The following TBCD variants were observed in gnomAD, a reference collection of about 807,000 sequenced individuals.
TBCD encodes the protein tubulin folding cofactor D.
Under a neutral mutation model 169.3 loss-of-function variants are expected in TBCD, and 105 were observed. That is an observed-to-expected ratio of 0.62 (90% CI 0.53 to 0.73). The LOEUF (loss-of-function observed/expected upper bound fraction) is 0.73, where lower values mean the gene tolerates loss of function less well. TBCD is among the 30% of genes least tolerant of loss of function. The probability of loss-of-function intolerance (pLI) is 0.00; values close to 1 mark genes in which losing one functional copy is unlikely to be tolerated. For missense variants in TBCD, 1,444 were observed against 1,600.1 expected (o/e 0.90, Z 1.66); for synonymous variants, 700 against 643.9 (o/e 1.09, Z -1.32).
At chr17:82,823,357 G>A (rs2052569192) in intron 13 of TBCD, among the ~76,000 whole-genome samples, 1 of 152,222 alleles carries the variant, frequency 6.6e-6, no homozygotes, top group Admixed American at 6.5e-5. Flanking sequence ...TTCCCCGCCT[G>A]TTTTTGTTGG....
In TBCD at chr17:82,889,614, G is replaced by C; in HGVS notation, c.1534-54G>C. ...GCTGTTTGTTCTGAACTTGCCTCTG[G>C]TGTTGGCGGAAGCTGACCTCGCTCA... On this transcript the variant is annotated intron_variant, in intron 15 of 38. Transcript: ENST00000355528. This position sits in a 1 kb window ranked among gnomAD's most constrained non-coding sequence, Gnocchi z 5.3. 1.9e-6 allele frequency: 3 copies of C among 1,612,204 alleles called. No individual in the cohort carries two copies. The highest frequency in any genetic ancestry group is 2.5e-6 in the Non-Finnish European group (3 of 1,178,632).
chr17:82,770,140 GTT>G (rs1008433260), intron 5 of TBCD, among the ~76,000 whole-genome samples: 4 of 152,184 alleles, frequency 2.6e-5, no homozygotes, highest in African/African-American at 4.8e-5. Flanking sequence ...ATGACCTGCT[GTT>G]CTGAGTCCTT....
At chr17:82,940,563 G>T (rs1032024793) in intron 37 of TBCD, among the ~76,000 whole-genome samples, 3 of 152,230 alleles carry the variant, frequency 2.0e-5, no homozygotes, top group Non-Finnish European at 4.4e-5. Flanking sequence ...AGCCGCTGTG[G>T]CCTCGGAGGA....
At chr17:82,892,224 C>T (rs1482019228) in intron 16 of TBCD, among the ~76,000 whole-genome samples, 1 of 152,126 alleles carries the variant, frequency 6.6e-6, no homozygotes, top group Non-Finnish European at 1.5e-5. Flanking sequence ...AGACCTGGTC[C>T]TGGGCCACCC....
Position 82,782,999 on chromosome 17 carries a change from G to A in TBCD, c.771+1278G>A. Among the ~76,000 whole-genome samples, 1 of 152,138 alleles carries A rather than the reference G, an allele frequency of 6.6e-6. No homozygotes were observed. The highest frequency in any genetic ancestry group is 6.5e-5 in the Admixed American group (1 of 15,276). Reference sequence around the variant, plus strand: ...TGTCCGCTGTGCCCTCCTGTCCGCGGCGTCGTCTTCCTGTCTGTGGTATCA... The same window carrying A: ...TGTCCGCTGTGCCCTCCTGTCCGCGACGTCGTCTTCCTGTCTGTGGTATCA... On this transcript the variant is annotated intron_variant, in intron 7 of 38. Coordinates refer to ENST00000355528, the MANE Select transcript of TBCD (RefSeq NM_005993.5). This position sits in a 1 kb window ranked among gnomAD's most constrained non-coding sequence, Gnocchi z 5.1.
chr17:82,923,035 C>T lies in TBCD; in HGVS notation c.2179-617C>T, dbSNP rs747791224. On this transcript the variant is annotated intron_variant, in intron 25 of 38. Transcript: ENST00000355528. The surrounding 1 kb of genome is among the most constrained non-coding windows in gnomAD (Gnocchi z 4.6). Reference sequence around the variant, plus strand: ...GGCCTTGGGATGGGTTCCCGGGGGTCTCCTGCTGTCCGGCCCCAACTCCTG... The same window carrying T: ...GGCCTTGGGATGGGTTCCCGGGGGTTTCCTGCTGTCCGGCCCCAACTCCTG... Among the ~76,000 whole-genome samples the T allele has an allele frequency of 6.6e-6, 1 of 152,192 alleles. No homozygotes were observed. The highest frequency in any genetic ancestry group is 1.5e-5 in the Non-Finnish European group (1 of 68,030).
intron 13 of TBCD, among the ~76,000 whole-genome samples, chr17:82,861,993 G>A (rs1299221839): frequency 6.6e-6 from 1 of 151,906 alleles, no homozygotes; most frequent in East Asian, 1.9e-4. Flanking sequence ...CGCGATCTCG[G>A]CTCACTGCAA....
intron 12 of TBCD, among the ~76,000 whole-genome samples, chr17:82,813,179 A>G (rs1022054681): frequency 2.0e-5 from 3 of 152,066 alleles, no homozygotes; most frequent in Non-Finnish European, 4.4e-5. Flanking sequence ...TTTAACACCA[A>G]ACGCATCTTT....
chr17:82,926,532 A>G, intron 28 of TBCD, 41 bp downstream of exon 28: 1 of 1,563,560 alleles, frequency 6.4e-7, no homozygotes, highest in Non-Finnish European at 8.8e-7. Context: ...TAAGTCTCTG[A>G]AAGGCCAGCA....
At chr17:82,773,464 C>T (rs1249178846) in intron 6 of TBCD, among the ~76,000 whole-genome samples, 4 of 152,208 alleles carry the variant, frequency 2.6e-5, no homozygotes, top group South Asian at 4.1e-4. Context: ...TTAAAGTAAT[C>T]TGTATATATT....
At position 82,831,584 on chromosome 17, in the gene TBCD, T is replaced by C; in HGVS notation, c.1318+16650T>C. 6.2e-7 allele frequency: 1 copy of C among 1,614,060 alleles called. No homozygotes were observed. The highest frequency in any genetic ancestry group is 8.5e-7 in the Non-Finnish European group (1 of 1,179,988). Reference sequence around the variant, plus strand: ...GGAGATGGAGCCAGGTGCTTAGGGATCGGCCCCGGGTGAGGCAGGAAGTGT... The same window carrying C: ...GGAGATGGAGCCAGGTGCTTAGGGACCGGCCCCGGGTGAGGCAGGAAGTGT... On this transcript the variant is annotated intron_variant, in intron 13 of 38. Coordinates refer to ENST00000355528, the MANE Select transcript of TBCD (RefSeq NM_005993.5). This position sits in a 1 kb window ranked among gnomAD's most constrained non-coding sequence, Gnocchi z 4.6.
At chr17:82,795,495 G>C (rs1036709931) in intron 7 of TBCD, 5 of 982,966 alleles carry the variant, frequency 5.1e-6, no homozygotes, top group Non-Finnish European at 4.8e-6. Flanking sequence ...AGCGGTCTTC[G>C]TTGTTGAGCA....
chr17:82,881,932 C>T (rs1353796740), intron 14 of TBCD, among the ~76,000 whole-genome samples: 1 of 151,686 alleles, frequency 6.6e-6, no homozygotes, highest in Non-Finnish European at 1.5e-5. Flanking sequence ...CTCCCTTCCT[C>T]CCTCCCTCCC....
intron 28 of TBCD, chr17:82,926,863 G>A: frequency 2.0e-6 from 1 of 496,188 alleles, no homozygotes; most frequent in Non-Finnish European, 3.6e-6. Flanking sequence ...CACAAGAGGA[G>A]CAGTCCCGCG....
At chr17:82,928,948 C>T (rs1448302749) in intron 30 of TBCD, among the ~76,000 whole-genome samples, 165 bp from the exon 31 acceptor site, 1 of 152,160 alleles carries the variant, frequency 6.6e-6, no homozygotes, top group Non-Finnish European at 1.5e-5. Flanking sequence ...TCTTCCGAGC[C>T]AGTGTCCTGG....
intron 13 of TBCD, among the ~76,000 whole-genome samples, chr17:82,837,709 A>G (rs564768821): frequency 2.0e-5 from 3 of 152,350 alleles, no homozygotes; most frequent in South Asian, 2.1e-4. Flanking sequence ...CAGGGTGGAC[A>G]TGCCACAGAG....
At chr17:82,934,951 A>G (rs533653064) in intron 34 of TBCD, among the ~76,000 whole-genome samples, 1 of 152,274 alleles carries the variant, frequency 6.6e-6, no homozygotes, top group South Asian at 2.1e-4. Context: ...ATACAAAAAC[A>G]TTAGCCGGGT....
intron 37 of TBCD, among the ~76,000 whole-genome samples, chr17:82,941,065 G>A (rs2063185022): frequency 6.6e-6 from 1 of 152,248 alleles, no homozygotes; most frequent in Non-Finnish European, 1.5e-5. Flanking sequence ...CGCATCAACA[G>A]CTAAATTAAA....
In TBCD at chr17:82,932,621, C is replaced by G. The variant is rs748242797; in HGVS notation, c.3114-37C>G. ...TTCAGGGAGTTGGGCGTCCTTGTTG[C>G]TGGTGTCCAGGGTCTCACAGCTCCT... On this transcript the variant is annotated intron_variant, in intron 33 of 38. Coordinates refer to ENST00000355528, the MANE Select transcript of TBCD (RefSeq NM_005993.5). 5 of 1,591,134 alleles carry G rather than the reference C, an allele frequency of 3.1e-6. No homozygotes were observed. The African/African-American group carries it at 4.0e-5, about 13-fold the overall frequency.
Sources: allele counts gnomAD v4.1 joint callset (sites outside exome capture counted in the v4.1 genomes callset), GRCh38; gene constraint gnomAD v4.1.1; non-coding constraint Gnocchi (gnomAD v3.1); transcripts MANE v1.5; gene names NCBI Gene and HGNC (gene_info 2026-07-23, HGNC 2026-07-21).